The following TAF12 variants were observed in gnomAD, a reference collection of about 807,000 sequenced individuals.
TAF12 encodes TATA-box binding protein associated factor 12.
In TAF12, 3 loss-of-function variants were observed where a neutral mutation model predicts 20.8. The ratio of observed to expected loss-of-function variants is 0.14; its 90% CI spans 0.07 to 0.37. The LOEUF is 0.37. Ranked by LOEUF, TAF12 falls within the 10% of genes least tolerant of loss-of-function variation. TAF12 has a pLI of 1.00. For missense variants in TAF12, 131 were observed against 197.9 expected (o/e 0.66, Z 2.03); for synonymous variants, 69 against 70.2 (o/e 0.98, Z 0.09).
intron 4 of TAF12, 96 bp downstream of exon 4, chr1:28,613,151 C>G: frequency 1.1e-6 from 1 of 940,188 alleles, no homozygotes; most frequent in Middle Eastern, 2.2e-4. Context: ...GCCCAAAAGT[C>G]TGGTTCTGGC....
intron 1 of TAF12, among the ~76,000 whole-genome samples, chr1:28,631,708 C>T (rs1667636463): frequency 6.6e-6 from 1 of 152,054 alleles, no homozygotes; most frequent in Non-Finnish European, 1.5e-5. Flanking sequence ...GCAGACCCTT[C>T]ATCAAAGATA....
At chr1:28,622,230 TAA>T in intron 1 of TAF12, 65 bp from the exon 2 acceptor site, 1 of 1,384,092 alleles carries the variant, frequency 7.2e-7, no homozygotes, top group Non-Finnish European at 9.3e-7. Context: ...ATCTTGAGAG[TAA>T]AAAGAGGCCT....
intron 1 of TAF12, chr1:28,623,816 T>C (rs1390991049): frequency 8.2e-6 from 2 of 243,890 alleles, no homozygotes; most frequent in Non-Finnish European, 1.3e-5. Flanking sequence ...GCAGAGACCC[T>C]AGTCTGGAGC....
chr1:28,641,431 C>G (rs1358540985), intron 1 of TAF12, among the ~76,000 whole-genome samples: 2 of 151,596 alleles, frequency 1.3e-5, no homozygotes, highest in African/African-American at 4.8e-5. Context: ...TGCAGTGAGC[C>G]GAGATCGTGC....
chr1:28,617,680 T>C (rs1468018765), intron 3 of TAF12, among the ~76,000 whole-genome samples: 1 of 152,096 alleles, frequency 6.6e-6, no homozygotes, highest in Non-Finnish European at 1.5e-5. Context: ...CTTGATCTCC[T>C]GACCTTGTGA....
intron 1 of TAF12, among the ~76,000 whole-genome samples, chr1:28,640,047 T>C (rs1667982317): frequency 2.6e-5 from 4 of 152,210 alleles, no homozygotes; most frequent in African/African-American, 9.6e-5. Context: ...TTTGCCATGT[T>C]GGCCAGGCGG....
At chr1:28,614,200 T>C (rs1666957573) in intron 3 of TAF12, among the ~76,000 whole-genome samples, 1 of 151,934 alleles carries the variant, frequency 6.6e-6, no homozygotes, top group Non-Finnish European at 1.5e-5. Flanking sequence ...ATCGTGACAC[T>C]GTACTCCAGC....
chr1:28,611,672 T>C (rs150029984), intron 4 of TAF12, among the ~76,000 whole-genome samples: 1 of 152,208 alleles, frequency 6.6e-6, no homozygotes, highest in East Asian at 1.9e-4. Context: ...GAGGCAAGAA[T>C]AGATTCTTCC....
chr1:28,645,135 A>C (rs187393743), upstream of TAF12, among the ~76,000 whole-genome samples: 422 of 151,346 alleles, frequency 2.8e-3, 2 homozygotes, highest in African/African-American at 9.9e-3. Flanking sequence ...TCCCAGGTTC[A>C]TGCCATTCTC....
chr1:28,637,442 G>A (rs544309030), intron 1 of TAF12, among the ~76,000 whole-genome samples: 3 of 152,132 alleles, frequency 2.0e-5, no homozygotes, highest in South Asian at 2.1e-4. Context: ...CGAGGCAGGC[G>A]GATCACGAGG....
chr1:28,606,757 G>T (rs1190579316), intron 4 of TAF12, among the ~76,000 whole-genome samples: 1 of 152,170 alleles, frequency 6.6e-6, no homozygotes, highest in Non-Finnish European at 1.5e-5. Context: ...GGACATGAAG[G>T]CACTTCAAGC....
chr1:28,640,807 A>G (rs2124391842), intron 1 of TAF12, among the ~76,000 whole-genome samples: 1 of 152,330 alleles, frequency 6.6e-6, no homozygotes, highest in South Asian at 2.1e-4. Context: ...AGCCAGGTGC[A>G]GTGGCTCATG....
At chr1:28,643,624 AGAG>A (rs1243016743), upstream of TAF12, 1 of 152,226 alleles carries the variant, frequency 6.6e-6, no homozygotes, top group African/African-American at 2.4e-5. Flanking sequence ...TTAATCATTT[AGAG>A]GAGACCTGTG....
intron 1 of TAF12, among the ~76,000 whole-genome samples, chr1:28,625,971 C>T (rs939404968): frequency 2.0e-5 from 3 of 151,730 alleles, no homozygotes; most frequent in Non-Finnish European, 4.4e-5. Context: ...TGGGCCACCA[C>T]ACTCAGCCCC....
chr1:28,632,755 T>A (rs1396126487), intron 1 of TAF12, among the ~76,000 whole-genome samples: 1 of 151,946 alleles, frequency 6.6e-6, no homozygotes, highest in Non-Finnish European at 1.5e-5. Flanking sequence ...AGGTGGGGGG[T>A]GAAATTGTTC....
intron 4 of TAF12, among the ~76,000 whole-genome samples, chr1:28,612,705 C>T (rs1182622145): frequency 6.6e-6 from 1 of 151,558 alleles, no homozygotes; most frequent in East Asian, 1.9e-4. Flanking sequence ...CCCAGAAAAA[C>T]TCAAACTCAA....
intron 1 of TAF12, among the ~76,000 whole-genome samples, chr1:28,622,380 A>AG: frequency 6.6e-6 from 1 of 150,874 alleles, no homozygotes. Context: ...AAAAAAAAAA[A>AG]GTAAGTAAAA....
intron 2 of TAF12, among the ~76,000 whole-genome samples, chr1:28,620,194 T>C (rs1429951034): frequency 2.0e-5 from 3 of 147,728 alleles, no homozygotes; most frequent in East Asian, 2.0e-4. Context: ...AGTGCAGTGG[T>C]GTAATCTCGG....
chr1:28,629,367 ACT>A (rs1667543214), intron 1 of TAF12, among the ~76,000 whole-genome samples: 1 of 152,064 alleles, frequency 6.6e-6, no homozygotes, highest in African/African-American at 2.4e-5. Flanking sequence ...ACACAGTCTC[ACT>A]CTGTCACCCA....
Sources: gnomAD v4.1 joint callset for allele counts (sites outside exome capture counted in the v4.1 genomes callset) on GRCh38, gnomAD v4.1.1 for gene constraint, MANE v1.5 for transcripts, NCBI Gene and HGNC (gene_info 2026-07-23, HGNC 2026-07-21) for gene names.